Variants in SLC25A25 observed in about 807,000 individuals in gnomAD.
SLC25A25 encodes solute carrier family 25 member 25, also known as mitochondrial adenyl nucleotide antiporter SLC25A25.
Under a neutral mutation model 57.7 loss-of-function variants are expected in SLC25A25, and 32 were observed. That is an observed-to-expected ratio of 0.55 (90% CI 0.42 to 0.74). The LOEUF (loss-of-function observed/expected upper bound fraction) is 0.74, where lower values mean the gene tolerates loss of function less well. Ranked by LOEUF, SLC25A25 falls within the 30% of genes least tolerant of loss-of-function variation. SLC25A25 has a pLI of 0.00. For missense variants in SLC25A25, 556 were observed against 701.3 expected, an observed-to-expected ratio of 0.79 and a Z score of 2.34; for synonymous variants, 306 against 291.2, an observed-to-expected ratio of 1.05 and a Z score of -0.52.
At chr9:128,106,309 A>G in intron 8 of SLC25A25, 44 bp from the exon 9 acceptor site, 1 of 1,613,720 alleles carries the variant, frequency 6.2e-7, no homozygotes, top group Non-Finnish European at 8.5e-7. Flanking sequence ...GACTGGGGAG[A>G]GGCACAGGCT....
chr9:128,088,638 C>T (rs1472546282), intron 1 of SLC25A25, among the ~76,000 whole-genome samples: 1 of 152,210 alleles, frequency 6.6e-6, no homozygotes, highest in Admixed American at 6.5e-5. Context: ...GAATCAGTGT[C>T]CTTAGCCTGT....
chr9:128,087,311 C>T (rs988035870), intron 1 of SLC25A25, among the ~76,000 whole-genome samples: 7 of 152,032 alleles, frequency 4.6e-5, no homozygotes, highest in Non-Finnish European at 8.8e-5. Context: ...GTCTGGAGTG[C>T]GGTGCAGTGA....
rs937841217 is a variant in SLC25A25 at position 128,103,050 on chromosome 9, G to A, written c.624+569G>A. The stretch of plus-strand genomic sequence containing the variant: ...TGTCCCTCTGGACCATCCGCTCCAG[G>A]AGGGGAGGCCAGAGGCGCTCCTCAT... On this transcript the variant is annotated intron_variant, in intron 5 of 10. Coordinates refer to ENST00000373069, the MANE Select transcript of SLC25A25 (RefSeq NM_001330988.2). This position sits in a 1 kb window ranked among gnomAD's most constrained non-coding sequence, Gnocchi z 6.7. Among the ~76,000 whole-genome samples, 1 of 152,190 alleles carries A rather than the reference G, an allele frequency of 6.6e-6. No homozygotes were observed. The highest frequency in any genetic ancestry group is 1.5e-5 in the Non-Finnish European group (1 of 68,020).
intron 1 of SLC25A25, among the ~76,000 whole-genome samples, chr9:128,073,669 C>T (rs1194428058): frequency 1.3e-5 from 2 of 151,932 alleles, no homozygotes; most frequent in African/African-American, 4.8e-5. Context: ...ATATATTAAA[C>T]TAATTGTGTT....
chr9:128,091,428 C>T (rs950425494), intron 1 of SLC25A25: 1 of 985,684 alleles, frequency 1.0e-6, no homozygotes. Flanking sequence ...AGTGAGAATG[C>T]AGACTGGATG....
chr9:128,088,006 C>T (rs1185089635), intron 1 of SLC25A25, among the ~76,000 whole-genome samples: 1 of 152,190 alleles, frequency 6.6e-6, no homozygotes, highest in Admixed American at 6.5e-5. Flanking sequence ...TCTGCTCAGT[C>T]TTTATTGATT....
At chr9:128,070,134 A>G (rs906596245) in intron 1 of SLC25A25, among the ~76,000 whole-genome samples, 1 of 117,904 alleles carries the variant, frequency 8.5e-6, no homozygotes, top group African/African-American at 3.4e-5. Flanking sequence ...TCTGTCACCC[A>G]GGCTCGAGTG....
chr9:128,091,620 G>A (rs1833409055), intron 1 of SLC25A25: 1 of 1,165,916 alleles, frequency 8.6e-7, no homozygotes, highest in South Asian at 4.3e-5. Flanking sequence ...TATTGAAGAA[G>A]CTCCAGCTGC....
At chr9:128,106,941 A>G (rs902448102) in intron 9 of SLC25A25, 88 bp from the exon 10 acceptor site, 1 of 1,492,354 alleles carries the variant, frequency 6.7e-7, no homozygotes, top group East Asian at 2.3e-5. Flanking sequence ...GTCGGGTTCC[A>G]GTGGCCTGAG....
intron 1 of SLC25A25, chr9:128,091,546 C>CTTT (rs757342831): frequency 2.3e-6 from 2 of 854,212 alleles, no homozygotes; most frequent in African/African-American, 4.0e-5. Context: ...TTTTCCTTTT[C>CTTT]TTTTTTTTTT....
Position 128,099,175 on chromosome 9 carries a change from G to T in SLC25A25, c.262-1921G>T. 1 of 1,257,530 alleles carries T rather than the reference G, an allele frequency of 8.0e-7. No homozygotes were observed. The highest frequency in any genetic ancestry group is 1.0e-6 in the Non-Finnish European group (1 of 975,990). 77.9% of individuals were successfully genotyped at this position (1,257,530 alleles called of 1,614,324 possible). A position where few individuals can be genotyped will look rare whatever the true frequency, so the allele number is the denominator to read the frequency against. ...ACTCTCAGACATCGCTGTGGAACAG[G>T]GCCTGTGTCTGCCCTGAAAGTGAGG... On this transcript the variant is annotated intron_variant, in intron 1 of 10. Coordinates refer to ENST00000373069, the MANE Select transcript of SLC25A25 (RefSeq NM_001330988.2). The surrounding 1 kb of genome is among the most constrained non-coding windows in gnomAD (Gnocchi z 6.8).
chr9:128,073,107 A>G (rs913526825), intron 1 of SLC25A25, among the ~76,000 whole-genome samples: 6 of 152,214 alleles, frequency 3.9e-5, no homozygotes, highest in African/African-American at 1.4e-4. Flanking sequence ...GGAAGGAACA[A>G]TGGTTCAAAA....
rs762130155 is a variant in SLC25A25 at position 128,103,824 on chromosome 9, C to T, written c.768C>T (p.Leu256=). ...SRTCTAPLDR[L]KVLMQVHASR... Reference sequence around the variant, plus strand: ...CCTGCACGGCCCCCCTGGACAGGCTCAAGGTGCTCATGCAGGTATGTAGGG... The same window carrying T: ...CCTGCACGGCCCCCCTGGACAGGCTTAAGGTGCTCATGCAGGTATGTAGGG... Residue 256 remains leucine (L), a synonymous_variant, in exon 6 of 11, where the codon CTC becomes CTT. Transcript: ENST00000373069. The surrounding 1 kb of genome is among the most constrained non-coding windows in gnomAD (Gnocchi z 6.7). 1.9e-6 allele frequency: 3 copies of T among 1,602,508 alleles called. No homozygotes were observed. The highest frequency in any genetic ancestry group is 2.2e-5 in the East Asian group (1 of 44,700).
At position 128,102,392 on chromosome 9, in the gene SLC25A25, A is replaced by G; in HGVS notation, c.535A>G (p.Thr179Ala). 1.2e-6 allele frequency: 2 copies of G among 1,613,922 alleles called. No individual in the cohort carries two copies. The highest frequency in any genetic ancestry group is 1.7e-6 in the Non-Finnish European group (2 of 1,179,926). Residue 179 changes from threonine (T) to alanine (A), a missense_variant, in exon 5 of 11, where the codon ACC (threonine) becomes GCC (alanine). Coordinates refer to ENST00000373069, the MANE Select transcript of SLC25A25 (RefSeq NM_001330988.2). The surrounding 1 kb of genome is among the most constrained non-coding windows in gnomAD (Gnocchi z 4.1). ...VTYMDKNGTM[T>A]IDWNEWRDYH... is the part of the protein sequence containing the mutation. Reference sequence around the variant, plus strand: ...CAGCATGGATAAAAACGGCACGATGACCATTGACTGGAACGAGTGGAGAGA... The same window carrying G: ...CAGCATGGATAAAAACGGCACGATGGCCATTGACTGGAACGAGTGGAGAGA...
rs1281013225 is a variant in SLC25A25, at chr9:128,095,506, C to T, written c.262-5590C>T. On this transcript the variant is annotated intron_variant, in intron 1 of 10. Transcript: ENST00000373069. This position sits in a 1 kb window ranked among gnomAD's most constrained non-coding sequence, Gnocchi z 4.4. Reference sequence around the variant, plus strand: ...TAGAGATGGGCTTATTTGGGTAGAACTCTCCATTTTTATATGAACATGGAG... The same window carrying T: ...TAGAGATGGGCTTATTTGGGTAGAATTCTCCATTTTTATATGAACATGGAG... 6.6e-6 allele frequency among the ~76,000 whole-genome samples: 1 copy of T among 152,174 alleles called. No individual in the cohort carries two copies. The highest frequency in any genetic ancestry group is 2.4e-5 in the African/African-American group (1 of 41,442).
chr9:128,068,391 G>A lies in SLC25A25; in HGVS notation c.72G>A (p.Ser24=), dbSNP rs1280653238. The change falls in exon 1 of 11, where the codon TCG becomes TCA. Residue 24 remains serine (S), a synonymous_variant. Coordinates refer to ENST00000373069, the MANE Select transcript of SLC25A25 (RefSeq NM_001330988.2). ...PPDAAATAAS[S]SASSPASVGD... is the part of the protein sequence containing the mutation. ...ACGCCGCCGCCACCGCCGCCTCTTC[G>A]TCTGCCTCATCGCCGGCGTCCGTGG... 1.3e-6 allele frequency: 2 copies of A among 1,556,672 alleles called. No individual in the cohort carries two copies. The highest frequency in any genetic ancestry group is 1.7e-6 in the Non-Finnish European group (2 of 1,160,324).
At chr9:128,106,928 G>C in intron 9 of SLC25A25, 101 bp from the exon 10 acceptor site, 1 of 1,426,722 alleles carries the variant, frequency 7.0e-7, no homozygotes, top group African/African-American at 1.4e-5. Context: ...CCCAGGCGCG[G>C]CAGTCGGGTT....
At position 128,101,343 on chromosome 9, in the gene SLC25A25, G is replaced by A. The variant is rs775882793; in HGVS notation, c.423G>A (p.Leu141=). 1.2e-6 allele frequency: 2 copies of A among 1,614,254 alleles called. No individual in the cohort carries two copies. The highest frequency in any genetic ancestry group is 3.3e-5 in the Admixed American group (2 of 60,036). ...RIDAQEIMQS[L]RDLGVKISEQ... ...ACGCGCAGGAGATCATGCAGTCCCT[G>A]CGGGACTTGGGAGTCAAGATATCTG... Residue 141 remains leucine, a synonymous_variant, in exon 3 of 11, where the codon CTG becomes CTA. Transcript: ENST00000373069. This position sits in a 1 kb window ranked among gnomAD's most constrained non-coding sequence, Gnocchi z 4.9.
At chr9:128,098,527 C>T in intron 1 of SLC25A25, 2 of 1,573,496 alleles carry the variant, frequency 1.3e-6, no homozygotes, top group Admixed American at 3.6e-5. Context: ...GAACTTGCTC[C>T]CGGTGGTGAG....
Sources: gnomAD v4.1 joint callset for allele counts (sites outside exome capture counted in the v4.1 genomes callset) on GRCh38, gnomAD v4.1.1 for gene constraint, Gnocchi (gnomAD v3.1) non-coding constraint, MANE v1.5 for transcripts, NCBI Gene and HGNC (gene_info 2026-07-23, HGNC 2026-07-21) for gene names.